NFIB: variants seen among roughly 807,000 people sequenced by gnomAD.
NFIB encodes nuclear factor I B.
In NFIB, 11 loss-of-function variants were observed where a neutral mutation model predicts 61.5. The ratio of observed to expected loss-of-function variants is 0.18; its 90% CI spans 0.11 to 0.30. The LOEUF (loss-of-function observed/expected upper bound fraction) is 0.30. NFIB is among the 10% of genes least tolerant of loss of function. The pLI, the probability that NFIB is intolerant of heterozygous loss-of-function variation, is 1.00. For missense variants in NFIB, 471 were observed against 608.9 expected (o/e 0.77, Z 2.38); for synonymous variants, 260 against 216.5 (o/e 1.20, Z -1.76).
chr9:14,474,667 G>A, the NFIB span, among the ~76,000 whole-genome samples: 5 of 152,068 alleles, frequency 3.3e-5, no homozygotes, highest in African/African-American at 7.2e-5. Flanking sequence ...CTATAAACCC[G>A]TTAAACAAAA....
chr9:14,486,346 C>T, the NFIB span, among the ~76,000 whole-genome samples: 43 of 152,150 alleles, frequency 2.8e-4, no homozygotes, highest in Middle Eastern at 3.4e-3. Context: ...ATGTCATCAA[C>T]GGAGACAAGG....
intron 2 of NFIB, among the ~76,000 whole-genome samples, chr9:14,273,641 A>G (rs2057781755): frequency 6.6e-6 from 1 of 152,182 alleles, no homozygotes; most frequent in Non-Finnish European, 1.5e-5. Flanking sequence ...GATCAGTATT[A>G]TTGTCAGTGT....
chr9:14,482,605 G>A, the NFIB span, among the ~76,000 whole-genome samples: 4 of 152,218 alleles, frequency 2.6e-5, no homozygotes, highest in African/African-American at 4.8e-5. Context: ...GCAAAGCACC[G>A]AAGGGGCTGC....
At chr9:14,218,923 GA>G (rs1293174933) in intron 2 of NFIB, among the ~76,000 whole-genome samples, 1 of 152,128 alleles carries the variant, frequency 6.6e-6, no homozygotes, top group Non-Finnish European at 1.5e-5. Context: ...ACCACATGGA[GA>G]AACACTTCTT....
the NFIB span, among the ~76,000 whole-genome samples, chr9:14,441,434 C>T: frequency 1.3e-5 from 2 of 152,268 alleles, no homozygotes; most frequent in South Asian, 4.1e-4. Context: ...AGTGAAGTCC[C>T]TTTATGGTGA....
At chr9:14,356,593 T>G (rs1380871646) in intron 1 of NFIB, among the ~76,000 whole-genome samples, 1 of 151,614 alleles carries the variant, frequency 6.6e-6, no homozygotes, top group Non-Finnish European at 1.5e-5. Flanking sequence ...CAGGACTGAT[T>G]TCGTCTCCTG....
chr9:14,302,442 A>T (rs1341848788), intron 2 of NFIB, among the ~76,000 whole-genome samples: 1 of 152,210 alleles, frequency 6.6e-6, no homozygotes, highest in African/African-American at 2.4e-5. Flanking sequence ...ACAATAAAGC[A>T]ACAAAAGTGG....
intron 2 of NFIB, among the ~76,000 whole-genome samples, chr9:14,244,198 A>C (rs938459177): frequency 2.0e-5 from 3 of 152,222 alleles, no homozygotes; most frequent in Non-Finnish European, 2.9e-5. Context: ...AAGTGCTTAA[A>C]GATATTCAGG....
At chr9:14,089,284 G>T (rs1207027875) in intron 10 of NFIB, among the ~76,000 whole-genome samples, 1 of 151,606 alleles carries the variant, frequency 6.6e-6, no homozygotes, top group African/African-American at 2.4e-5. Context: ...GGGGGTTGGG[G>T]GTGTTGGAGG....
At chr9:14,115,003 C>G (rs2037911866) in intron 9 of NFIB, among the ~76,000 whole-genome samples, 1 of 152,160 alleles carries the variant, frequency 6.6e-6, no homozygotes, top group South Asian at 2.1e-4. Flanking sequence ...TCGCATCCAT[C>G]TGTGCATTCA....
chr9:14,285,253 G>T (rs2058634084), intron 2 of NFIB, among the ~76,000 whole-genome samples: 1 of 152,116 alleles, frequency 6.6e-6, no homozygotes, highest in Non-Finnish European at 1.5e-5. Flanking sequence ...CTCCTGAGTA[G>T]CTGGGATTAT....
intron 3 of NFIB, among the ~76,000 whole-genome samples, chr9:14,168,792 A>G (rs191279850): frequency 1.3e-3 from 192 of 152,324 alleles, no homozygotes; most frequent in African/African-American, 4.5e-3. Flanking sequence ...AGCATCAATT[A>G]CCTTCTTTTT....
intron 2 of NFIB, among the ~76,000 whole-genome samples, chr9:14,193,372 T>C (rs2048156081): frequency 6.6e-6 from 1 of 152,190 alleles, no homozygotes; most frequent in Non-Finnish European, 1.5e-5. Flanking sequence ...CATTTACTTA[T>C]ATTTCATGCC....
intron 10 of NFIB, among the ~76,000 whole-genome samples, chr9:14,105,642 A>T (rs1422208199): frequency 1.3e-5 from 2 of 152,158 alleles, no homozygotes. Context: ...AAATCATTAA[A>T]ATAGAAATCA....
chr9:14,319,086 TCTC>T (rs1170351038), upstream of NFIB, among the ~76,000 whole-genome samples: 3 of 152,014 alleles, frequency 2.0e-5, no homozygotes, highest in Admixed American at 6.6e-5. Context: ...TGGACCTTTT[TCTC>T]CTCCTCTGGG....
In NFIB at chr9:14,231,892, GA is replaced by G. The variant is rs1357421442; in HGVS notation, c.563-52113del. ...AGAATGGGTTAACAAAAGCAAGGAG[GA>G]AAAAAATCTCATTTTTCCCCTTCTT... On this transcript the variant is annotated intron_variant, in intron 2 of 10. Coordinates refer to ENST00000380953, the MANE Select transcript of NFIB (RefSeq NM_001190737.2). 2.6e-5 allele frequency among the ~76,000 whole-genome samples: 4 copies of G among 152,152 alleles called. No individual in the cohort carries two copies. The South Asian group carries it at 8.3e-4, about 32-fold the overall frequency.
the NFIB span, among the ~76,000 whole-genome samples, chr9:14,427,937 G>GTGTTTTTTTTTTTTTTTTTTTTTT: frequency 2.3e-5 from 1 of 43,384 alleles, no homozygotes; most frequent in African/African-American, 7.8e-5. Flanking sequence ...TAATTCAGTT[G>GTGTTTTTTTTTTTTTTTTTTTTTT]TTTTTTTTTT....
At chr9:14,494,742 C>G in the NFIB span, among the ~76,000 whole-genome samples, 1 of 152,186 alleles carries the variant, frequency 6.6e-6, no homozygotes, top group African/African-American at 2.4e-5. Context: ...GGCATAAAGA[C>G]TTATTGCAGA....
At chr9:14,116,132 C>A in intron 9 of NFIB, 76 bp downstream of exon 9, 1 of 1,375,398 alleles carries the variant, frequency 7.3e-7, no homozygotes, top group Non-Finnish European at 9.5e-7. Flanking sequence ...GATCAGATAT[C>A]CAATGGTGCC....
Sources: gnomAD v4.1 joint callset for allele counts (sites outside exome capture counted in the v4.1 genomes callset) on GRCh38, gnomAD v4.1.1 for gene constraint, MANE v1.5 for transcripts, NCBI Gene and HGNC (gene_info 2026-07-23, HGNC 2026-07-21) for gene names.